The following C18orf63 variants were observed in gnomAD, a reference collection of about 807,000 sequenced individuals.
C18orf63 encodes uncharacterized protein C18orf63.
A neutral mutation model predicts 75.3 loss-of-function variants in C18orf63; 50 were observed. The ratio of observed to expected loss-of-function variants is 0.66; its 90% CI spans 0.53 to 0.84. The LOEUF (loss-of-function observed/expected upper bound fraction) is 0.84. Among genes scored for constraint, C18orf63 ranks in the 40% least tolerant of loss-of-function variants. The pLI is 0.00. For synonymous variants in C18orf63, 232 were observed against 267.6 expected, an observed-to-expected ratio of 0.87 and a Z score of 1.30; for missense variants, 732 against 800.2, an observed-to-expected ratio of 0.91 and a Z score of 1.03.
At chr18:74,327,910 C>A in intron 4 of C18orf63, 37 bp from the exon 5 acceptor site, 1 of 1,253,806 alleles carries the variant, frequency 8.0e-7, no homozygotes, top group Non-Finnish European at 1.1e-6. Flanking sequence ...AGCAATTGTT[C>A]TAAATTGGCC....
rs1274425725 is a variant in C18orf63, at chr18:74,328,036, A to G, written c.360A>G (p.Arg120=). 15 of 1,531,980 alleles carry G rather than the reference A, an allele frequency of 9.8e-6. No homozygotes were observed. The African/African-American group carries it at 1.5e-4, about 15-fold the overall frequency. 94.9% of individuals were successfully genotyped at this position (1,531,980 alleles called of 1,614,324 possible). A position where few individuals can be genotyped will look rare whatever the true frequency, so the allele number is the denominator to read the frequency against. ...FMARLAPAWN[R]TGHLLIQGRD... is the part of the protein sequence containing the mutation. The stretch of plus-strand genomic sequence containing the variant: ...CTAGACTTGCTCCAGCCTGGAATAG[A>G]ACTGGTCATCTCTTGATACAAGGTA... The change falls in exon 5 of 14, where the codon AGA becomes AGG. Residue 120 remains arginine (R), a synonymous_variant. Transcript: ENST00000579455.
At chr18:74,334,164 C>T (rs1984354448) in intron 7 of C18orf63, among the ~76,000 whole-genome samples, 1 of 152,026 alleles carries the variant, frequency 6.6e-6, no homozygotes, top group Non-Finnish European at 1.5e-5. Flanking sequence ...GTGACTGAGG[C>T]AGATCTCAGT....
chr18:74,324,204 G>A (rs1984170681), intron 4 of C18orf63, among the ~76,000 whole-genome samples: 1 of 152,150 alleles, frequency 6.6e-6, no homozygotes, highest in African/African-American at 2.4e-5. Context: ...TGAACCGTGT[G>A]GTAGTAGGAG....
intron 3 of C18orf63, among the ~76,000 whole-genome samples, 155 bp from the exon 4 acceptor site, chr18:74,322,543 G>A (rs1490168727): frequency 6.6e-6 from 1 of 152,156 alleles, no homozygotes; most frequent in Non-Finnish European, 1.5e-5. Context: ...TTCAGGGAGA[G>A]AATGATCATC....
chr18:74,355,262 G>C (rs886331004), intron 13 of C18orf63, among the ~76,000 whole-genome samples: 1 of 152,108 alleles, frequency 6.6e-6, no homozygotes, highest in Non-Finnish European at 1.5e-5. Context: ...TAACCAGAAA[G>C]TATTTGAGTC....
chr18:74,351,573 C>T (rs559790590), intron 11 of C18orf63, among the ~76,000 whole-genome samples: 12 of 152,306 alleles, frequency 7.9e-5, no homozygotes, highest in African/African-American at 2.9e-4. Flanking sequence ...CAAGGTGACT[C>T]CAGCTGCAGA....
chr18:74,342,328 T>C lies in C18orf63; in HGVS notation c.794+2T>C. Reference sequence around the variant, plus strand: ...AATGCTCGGAGAAAGGACCTTCACATATCCTTTACACACCAACTGAAGCAG... The same window carrying C: ...AATGCTCGGAGAAAGGACCTTCACACATCCTTTACACACCAACTGAAGCAG... On this transcript the variant is annotated splice_donor_variant, in intron 10 of 13. Coordinates refer to ENST00000579455, the MANE Select transcript of C18orf63 (RefSeq NM_001174123.2). LOFTEE classifies it high-confidence loss of function. 6.6e-7 allele frequency: 1 copy of C among 1,504,110 alleles called. No homozygotes were observed. Among genetic ancestry groups the C allele is most frequent in the South Asian group, 1.2e-5 (1 of 83,306 alleles). 93.2% of individuals were successfully genotyped at this position (1,504,110 alleles called of 1,614,324 possible).
chr18:74,327,170 C>G (rs1210714230), intron 4 of C18orf63, among the ~76,000 whole-genome samples: 1 of 152,112 alleles, frequency 6.6e-6, no homozygotes, highest in Non-Finnish European at 1.5e-5. Flanking sequence ...AGAAACTCCC[C>G]AGGCCTCCAT....
At chr18:74,336,562 A>G (rs567837105) in intron 7 of C18orf63, among the ~76,000 whole-genome samples, 24 of 152,150 alleles carry the variant, frequency 1.6e-4, no homozygotes, top group Non-Finnish European at 2.8e-4. Context: ...GCTGTTTCTT[A>G]GGGTTCCATT....
At chr18:74,333,882 C>A (rs1201198481) in intron 7 of C18orf63, among the ~76,000 whole-genome samples, 1 of 152,202 alleles carries the variant, frequency 6.6e-6, no homozygotes, top group Non-Finnish European at 1.5e-5. Flanking sequence ...ATACACTCAA[C>A]ATGTACTTGT....
At position 74,359,051 on chromosome 18, in the gene C18orf63, G is replaced by T. The variant is rs1984821349; in HGVS notation, c.*2604G>T. ...ACTGCTAATATATTGGGTATTTATT[G>T]ATACTTAGGAATAGTCAGTATTTAT... On this transcript the variant is annotated 3_prime_UTR_variant, in exon 14 of 14. Coordinates refer to ENST00000579455, the MANE Select transcript of C18orf63 (RefSeq NM_001174123.2). The T allele has an allele frequency of 1.3e-5, 2 of 152,164 alleles. No homozygotes were observed. Among genetic ancestry groups the T allele is most frequent in the South Asian group, 4.2e-4 (2 of 4,816 alleles). 9.4% of individuals were successfully genotyped at this position (152,164 alleles called of 1,614,324 possible).
chr18:74,356,540 C>G lies in C18orf63; in HGVS notation c.*93C>G, dbSNP rs1383463452. The G allele has an allele frequency of 6.6e-6, 1 of 152,632 alleles. No homozygotes were observed. Among genetic ancestry groups the G allele is most frequent in the Admixed American group, 6.5e-5 (1 of 15,280 alleles). The allele number at this position is 152,632 out of a possible 1,614,324, so 9.5% of individuals were successfully genotyped here. ...CCAGATGCCTCTCACACTCCTGTGACCATGAAATCAGCTCTACTTACTGCT... is the reference window on the plus strand; with the variant it reads ...CCAGATGCCTCTCACACTCCTGTGAGCATGAAATCAGCTCTACTTACTGCT... On this transcript the variant is annotated 3_prime_UTR_variant, in exon 14 of 14. Coordinates refer to ENST00000579455, the MANE Select transcript of C18orf63 (RefSeq NM_001174123.2).
chr18:74,334,987 C>A (rs566456261), intron 7 of C18orf63, among the ~76,000 whole-genome samples: 1 of 152,252 alleles, frequency 6.6e-6, no homozygotes, highest in Admixed American at 6.5e-5. Flanking sequence ...TCTTTCAAGG[C>A]TTATCTCAGA....
intron 11 of C18orf63, among the ~76,000 whole-genome samples, chr18:74,352,155 ATAT>A (rs1285264332): frequency 1.3e-5 from 2 of 152,208 alleles, no homozygotes; most frequent in Non-Finnish European, 2.9e-5. Flanking sequence ...AAAAAGACAA[ATAT>A]TGTATGATTC....
At position 74,354,012 on chromosome 18, in the gene C18orf63, G is replaced by C; in HGVS notation, c.1745G>C (p.Gly582Ala). Residue 582 changes from glycine to alanine, a missense_variant, in exon 12 of 14, where the codon GGG becomes GCG. Coordinates refer to ENST00000579455, the MANE Select transcript of C18orf63 (RefSeq NM_001174123.2). ...GGCAAAGGTATAACACAAATTTTAG[G>C]GAAAAGCCATGGGTCACTAAAACTG... is the stretch of plus-strand genomic sequence containing the variant. The part of the protein sequence containing the change: ...LTGKGITQIL[G>A]KSHGSLKLKR... 1 of 1,536,444 alleles carries C rather than the reference G, an allele frequency of 6.5e-7. No individual in the cohort carries two copies. The highest frequency in any genetic ancestry group is 8.7e-7 in the Non-Finnish European group (1 of 1,146,962).
chr18:74,351,775 A>G (rs1984671152), intron 11 of C18orf63, among the ~76,000 whole-genome samples: 1 of 152,182 alleles, frequency 6.6e-6, no homozygotes, highest in African/African-American at 2.4e-5. Context: ...AATCTTTCCT[A>G]TTCTCTTCTC....
At chr18:74,338,065 A>G (rs1984421070) in intron 7 of C18orf63, among the ~76,000 whole-genome samples, 1 of 152,122 alleles carries the variant, frequency 6.6e-6, no homozygotes, top group Non-Finnish European at 1.5e-5. Context: ...ACCCATTAAT[A>G]CTTTATTTTT....
At chr18:74,342,153 A>G in intron 9 of C18orf63, 25 bp downstream of exon 9, 2 of 1,420,500 alleles carry the variant, frequency 1.4e-6, no homozygotes, top group South Asian at 2.5e-5. Flanking sequence ...TATATGTTAC[A>G]TTAGAAGTTA....
intron 7 of C18orf63, among the ~76,000 whole-genome samples, chr18:74,332,062 T>C (rs1984317051): frequency 6.6e-6 from 1 of 152,146 alleles, no homozygotes; most frequent in African/African-American, 2.4e-5. Flanking sequence ...CCCACCCTCA[T>C]TTAAACCCTC....
Sources: gnomAD v4.1 joint callset for allele counts (sites outside exome capture counted in the v4.1 genomes callset) on GRCh38, gnomAD v4.1.1 for gene constraint, MANE v1.5 for transcripts, NCBI Gene and HGNC (gene_info 2026-07-23, HGNC 2026-07-21) for gene names.